Variants in MAML3 observed in about 807,000 individuals in gnomAD.
The protein encoded by MAML3 is mastermind like transcriptional coactivator 3, also known as mastermind-like protein 3.
Under a neutral mutation model 101.9 loss-of-function variants are expected in MAML3, and 27 were observed. The ratio of observed to expected loss-of-function variants is 0.27; its 90% CI spans 0.20 to 0.37. The LOEUF is 0.37. Among genes scored for constraint, MAML3 ranks in the 10% least tolerant of loss-of-function variants. MAML3 has a pLI of 1.00. For missense variants in MAML3, 1,316 were observed against 1,444.9 expected (o/e 0.91, Z 1.45); for synonymous variants, 501 against 555.9 (o/e 0.90, Z 1.39).
At chr4:140,123,961 T>C (rs757854530) in intron 1 of MAML3, among the ~76,000 whole-genome samples, 51 of 152,210 alleles carry the variant, frequency 3.4e-4, no homozygotes, top group Non-Finnish European at 5.9e-4. Context: ...TATTTCACAA[T>C]GAACCCCAAA....
At chr4:139,929,053 A>G (rs150547925) in intron 1 of MAML3, among the ~76,000 whole-genome samples, 303 of 152,310 alleles carry the variant, frequency 2.0e-3, no homozygotes, top group African/African-American at 7.0e-3. Flanking sequence ...AGGATTTCAA[A>G]AGGAGATATT....
intron 2 of MAML3, among the ~76,000 whole-genome samples, chr4:139,884,407 T>C (rs1732284369): frequency 6.6e-6 from 1 of 152,184 alleles, no homozygotes; most frequent in East Asian, 1.9e-4. Context: ...GTAGAAAACA[T>C]ACGTGTAAAG....
chr4:139,764,238 A>G (rs927612199), intron 2 of MAML3, among the ~76,000 whole-genome samples: 37 of 152,188 alleles, frequency 2.4e-4, no homozygotes, highest in African/African-American at 8.0e-4. Context: ...CTTTTCCATC[A>G]TGGGCAAGAC....
chr4:140,048,143 C>G (rs1293733375), intron 1 of MAML3, among the ~76,000 whole-genome samples: 1 of 152,028 alleles, frequency 6.6e-6, no homozygotes. Context: ...TCTGTGTGAT[C>G]CTGAGTGAGT....
At chr4:139,732,988 A>C (rs1393940323) in intron 2 of MAML3, among the ~76,000 whole-genome samples, 1 of 152,242 alleles carries the variant, frequency 6.6e-6, no homozygotes, top group Non-Finnish European at 1.5e-5. Flanking sequence ...TTGTGCTACC[A>C]AAAAGTTTAC....
At chr4:140,151,853 A>T (rs1332582583) in intron 1 of MAML3, among the ~76,000 whole-genome samples, 2 of 152,158 alleles carry the variant, frequency 1.3e-5, no homozygotes, top group African/African-American at 4.8e-5. Flanking sequence ...TTGGCTGCTC[A>T]TCCTACCTCG....
intron 2 of MAML3, among the ~76,000 whole-genome samples, chr4:139,886,332 T>G (rs1169806261): frequency 6.6e-6 from 1 of 152,130 alleles, no homozygotes; most frequent in African/African-American, 2.4e-5. Flanking sequence ...GAGTTTCCCT[T>G]CCTTAAAAAA....
intron 2 of MAML3, chr4:139,730,985 G>A: frequency 8.5e-6 from 3 of 351,864 alleles, no homozygotes; most frequent in East Asian, 4.8e-5. Flanking sequence ...TCCAAGGAAA[G>A]GGAATAAGCC....
At chr4:139,744,788 C>G (rs1021551491) in intron 2 of MAML3, among the ~76,000 whole-genome samples, 2 of 152,016 alleles carry the variant, frequency 1.3e-5, no homozygotes, top group East Asian at 3.9e-4. Flanking sequence ...ATGACACCAG[C>G]TGGTCAAGAG....
At chr4:140,017,063 G>A (rs1726653749) in intron 1 of MAML3, among the ~76,000 whole-genome samples, 1 of 152,038 alleles carries the variant, frequency 6.6e-6, no homozygotes, top group Non-Finnish European at 1.5e-5. Context: ...TATCTAACAA[G>A]GATTTCTATC....
intron 1 of MAML3, among the ~76,000 whole-genome samples, chr4:140,120,396 G>A (rs1387023936): frequency 6.6e-6 from 1 of 152,142 alleles, no homozygotes; most frequent in Non-Finnish European, 1.5e-5. Context: ...ATTAACCAAA[G>A]ACAAATTAAC....
chr4:139,875,869 A>T (rs1384684526), intron 2 of MAML3, among the ~76,000 whole-genome samples: 2 of 147,986 alleles, frequency 1.4e-5, no homozygotes, highest in African/African-American at 5.0e-5. Context: ...GTGTAGGATT[A>T]CATAGTTTTT....
At chr4:139,969,015 G>C (rs759474809) in intron 1 of MAML3, among the ~76,000 whole-genome samples, 12 of 151,850 alleles carry the variant, frequency 7.9e-5, no homozygotes, top group Non-Finnish European at 1.5e-4. Context: ...CAGAAGTAGA[G>C]GGTGCCGGCC....
At chr4:139,958,713 T>C (rs1733954741) in intron 1 of MAML3, among the ~76,000 whole-genome samples, 1 of 152,230 alleles carries the variant, frequency 6.6e-6, no homozygotes, top group Non-Finnish European at 1.5e-5. Flanking sequence ...AATTTTGTGC[T>C]ACGTCTGTGG....
intron 2 of MAML3, among the ~76,000 whole-genome samples, chr4:139,771,849 A>G (rs1016205286): frequency 6.6e-6 from 1 of 151,784 alleles, no homozygotes; most frequent in Non-Finnish European, 1.5e-5. Flanking sequence ...AGTATCTTCA[A>G]TTGGAACAAG....
intron 2 of MAML3, among the ~76,000 whole-genome samples, chr4:139,826,126 G>A (rs1328554189): frequency 6.6e-6 from 1 of 151,784 alleles, no homozygotes; most frequent in Non-Finnish European, 1.5e-5. Flanking sequence ...TTTTTCCTTC[G>A]CACGTGAGAA....
At chr4:139,784,156 G>A (rs969203021) in intron 2 of MAML3, among the ~76,000 whole-genome samples, 4 of 152,142 alleles carry the variant, frequency 2.6e-5, no homozygotes, top group Non-Finnish European at 4.4e-5. Context: ...CAAAACAAGC[G>A]AGCCTTTGTT....
intron 1 of MAML3, among the ~76,000 whole-genome samples, chr4:140,055,344 G>GCACTA (rs1212423146): frequency 6.6e-6 from 1 of 152,138 alleles, no homozygotes; most frequent in East Asian, 1.9e-4. Flanking sequence ...TAAACCACCA[G>GCACTA]CACTAACCTG....
chr4:139,852,260 C>T (rs1240868352), intron 2 of MAML3, among the ~76,000 whole-genome samples: 1 of 152,070 alleles, frequency 6.6e-6, no homozygotes, highest in Non-Finnish European at 1.5e-5. Context: ...TCTTTATAAC[C>T]TTTCTGCAAA....
Sources: allele counts gnomAD v4.1 joint callset (sites outside exome capture counted in the v4.1 genomes callset), GRCh38; gene constraint gnomAD v4.1.1; transcripts MANE v1.5; gene names NCBI Gene and HGNC (gene_info 2026-07-23, HGNC 2026-07-21).